Variants in OR14I1 observed in about 807,000 individuals in gnomAD.
OR14I1 encodes olfactory receptor 14I1.
For synonymous variants in OR14I1, 118 were observed against 71.1 expected, an observed-to-expected ratio of 1.66 and a Z score of -3.32; for missense variants, 279 against 181.8, an observed-to-expected ratio of 1.53 and a Z score of -3.07.
At chr1:248,690,716 C>T in the OR14I1 span, among the ~76,000 whole-genome samples, 1 of 150,432 alleles carries the variant, frequency 6.6e-6, no homozygotes, top group Non-Finnish European at 1.5e-5. Context: ...AGGAACTGTT[C>T]CCTAACTCAT....
chr1:248,694,512 C>A, the OR14I1 span, among the ~76,000 whole-genome samples: 5 of 152,148 alleles, frequency 3.3e-5, no homozygotes, highest in African/African-American at 4.8e-5. Context: ...TTTCCATTGG[C>A]AGCATTTTAT....
chr1:248,697,623 A>G, the OR14I1 span, among the ~76,000 whole-genome samples: 1 of 152,094 alleles, frequency 6.6e-6, no homozygotes, highest in East Asian at 1.9e-4. Flanking sequence ...CGTCCCTACT[A>G]AAAATACAAA....
upstream of OR14I1, among the ~76,000 whole-genome samples, chr1:248,686,562 A>AGTTTTCCT (rs1553277819): frequency 5.4e-5 from 8 of 149,518 alleles, no homozygotes; most frequent in East Asian, 2.0e-4. Context: ...ATTCAAGCAA[A>AGTTTTCCT]CTGAATGCAC....
At chr1:248,684,753 C>CATATATATAT (rs5782531), upstream of OR14I1, among the ~76,000 whole-genome samples, 4 of 148,242 alleles carry the variant, frequency 2.7e-5, no homozygotes, top group African/African-American at 1.1e-4. Flanking sequence ...AATACACACA[C>CATATATATAT]ATACATATAT....
At chr1:248,690,444 T>C in the OR14I1 span, among the ~76,000 whole-genome samples, 1 of 151,792 alleles carries the variant, frequency 6.6e-6, no homozygotes, top group African/African-American at 2.4e-5. Context: ...GAGAATACTA[T>C]AAACATCTCT....
At chr1:248,693,718 CTATCT>C in the OR14I1 span, among the ~76,000 whole-genome samples, 28 of 151,652 alleles carry the variant, frequency 1.8e-4, no homozygotes, top group Admixed American at 1.7e-3. Context: ...CCACTCTATC[CTATCT>C]TATCTCCTCT....
the OR14I1 span, among the ~76,000 whole-genome samples, chr1:248,687,623 A>G: frequency 1.3e-5 from 2 of 152,388 alleles, no homozygotes; most frequent in Non-Finnish European, 2.9e-5. Flanking sequence ...AATTAAACTT[A>G]GCAGACTTTA....
At chr1:248,681,818 G>A (rs375187596) in exon 1 of OR14I1, 27 of 781,032 alleles carry the variant, frequency 3.5e-5, no homozygotes, top group Admixed American at 1.2e-4. Flanking sequence ...ACGTGCTCCC[G>A]AAACATGTTG....
chr1:248,690,600 CAAA>C, the OR14I1 span, among the ~76,000 whole-genome samples: 133 of 51,512 alleles, frequency 2.6e-3, no homozygotes, highest in African/African-American at 8.9e-3. Context: ...GTCTACCAAC[CAAA>C]AAAAAAAAAA....
upstream of OR14I1, among the ~76,000 whole-genome samples, chr1:248,684,740 A>G (rs2103134425): frequency 1.0e-5 from 1 of 97,728 alleles, no homozygotes; most frequent in South Asian, 4.3e-4. Context: ...TGCATTATTT[A>G]TAAATACACA....
downstream of OR14I1, among the ~76,000 whole-genome samples, chr1:248,680,191 A>C (rs900754100): frequency 6.6e-6 from 1 of 152,254 alleles, no homozygotes; most frequent in African/African-American, 2.4e-5. Flanking sequence ...TTACATTGAT[A>C]ACTACAAAAG....
the OR14I1 span, among the ~76,000 whole-genome samples, chr1:248,688,929 G>T: frequency 6.6e-6 from 1 of 152,118 alleles, no homozygotes; most frequent in African/African-American, 2.4e-5. Context: ...TTTTTTCTCT[G>T]GGGGATTGGT....
At chr1:248,689,469 TCAAA>T in the OR14I1 span, among the ~76,000 whole-genome samples, 2 of 152,086 alleles carry the variant, frequency 1.3e-5, no homozygotes, top group Non-Finnish European at 2.9e-5. Flanking sequence ...AACAAATTGC[TCAAA>T]CAAAGTTAGA....
At chr1:248,688,809 G>A in the OR14I1 span, among the ~76,000 whole-genome samples, 1 of 152,134 alleles carries the variant, frequency 6.6e-6, no homozygotes, top group East Asian at 1.9e-4. Context: ...GGATTAAAGA[G>A]AGAAAACAGA....
chr1:248,696,978 C>T, the OR14I1 span: 1 of 152,142 alleles, frequency 6.6e-6, no homozygotes, highest in Non-Finnish European at 1.5e-5. Context: ...AGAATGAGTA[C>T]ATTTGCTTGT....
At chr1:248,685,883 G>A (rs1417303075), upstream of OR14I1, among the ~76,000 whole-genome samples, 1 of 151,638 alleles carries the variant, frequency 6.6e-6, no homozygotes, top group Non-Finnish European at 1.5e-5. Flanking sequence ...TCTACAATTT[G>A]AAATTGAGGA....
chr1:248,696,469 GA>G, the OR14I1 span, among the ~76,000 whole-genome samples: 1 of 152,118 alleles, frequency 6.6e-6, no homozygotes, highest in African/African-American at 2.4e-5. Context: ...TGGAAGCGGG[GA>G]ATCAGTCGAC....
the OR14I1 span, chr1:248,692,761 C>T: frequency 6.6e-6 from 1 of 152,324 alleles, no homozygotes; most frequent in Non-Finnish European, 1.5e-5. Flanking sequence ...CTGAGCTTAT[C>T]TGTTCTTAGG....
downstream of OR14I1, among the ~76,000 whole-genome samples, chr1:248,680,186 T>TGTTATCAA (rs1168141529): frequency 6.6e-6 from 1 of 152,222 alleles, no homozygotes; most frequent in African/African-American, 2.4e-5. Context: ...ATCTATTACA[T>TGTTATCAA]TGATAACTAC....
Sources: allele counts gnomAD v4.1 joint callset (sites outside exome capture counted in the v4.1 genomes callset), GRCh38; gene constraint gnomAD v4.1.1; transcripts MANE v1.5; gene names NCBI Gene and HGNC (gene_info 2026-07-23, HGNC 2026-07-21).